SPTLC1: variants seen among roughly 807,000 people sequenced by gnomAD.
SPTLC1 encodes the protein serine palmitoyltransferase 1.
Under a neutral mutation model 68.9 loss-of-function variants are expected in SPTLC1, and 55 were observed. The observed-to-expected ratio is 0.80, with a 90% CI of 0.64 to 1.00. SPTLC1 has a LOEUF of 1.00. SPTLC1 is among the 50% of genes least tolerant of loss of function. The pLI is 0.00. For missense variants in SPTLC1, 449 were observed against 573.1 expected (o/e 0.78, Z 2.21); for synonymous variants, 197 against 201.6 (o/e 0.98, Z 0.19).
At chr9:92,037,603 A>C (rs191094720) in intron 13 of SPTLC1, among the ~76,000 whole-genome samples, 12 of 152,312 alleles carry the variant, frequency 7.9e-5, no homozygotes, top group Admixed American at 3.3e-4. Flanking sequence ...CCGCGTGCCC[A>C]GGGCAGGAAG....
At chr9:92,038,667 G>GC (rs1298950173) in intron 12 of SPTLC1, among the ~76,000 whole-genome samples, 3 of 152,192 alleles carry the variant, frequency 2.0e-5, no homozygotes, top group Non-Finnish European at 4.4e-5. Flanking sequence ...CCCCACCTTG[G>GC]CCTGTCATTC....
chr9:92,104,759 A>C (rs1381700370), intron 3 of SPTLC1: 1 of 1,533,520 alleles, frequency 6.5e-7, no homozygotes, highest in East Asian at 2.4e-5. Flanking sequence ...AGCAGCTTCC[A>C]CCTCTAGGCC....
rs183535817 is a variant in SPTLC1, at chr9:92,075,852, C to T, written c.427+4164G>A. Among the ~76,000 whole-genome samples the T allele has an allele frequency of 9.3e-4, 141 of 152,298 alleles. 1 individual carries two copies. Among genetic ancestry groups the T allele is most frequent in the African/African-American group, 3.2e-3 (132 of 41,558 alleles). On this transcript the variant is annotated intron_variant, in intron 5 of 14. Coordinates refer to ENST00000262554, the MANE Select transcript of SPTLC1 (RefSeq NM_006415.4). ...AACCCGGCCTCTCACTTACTACCCA[C>T]TACAAATCCTAATCCACACAACTGT...
chr9:92,051,292 G>A, intron 8 of SPTLC1: 5 of 983,180 alleles, frequency 5.1e-6, no homozygotes, highest in Non-Finnish European at 6.0e-6. Flanking sequence ...AAATCTCAAT[G>A]GCCGAATGCA....
chr9:92,086,602 T>G (rs987380775), intron 3 of SPTLC1, among the ~76,000 whole-genome samples: 1 of 151,336 alleles, frequency 6.6e-6, no homozygotes, highest in Non-Finnish European at 1.5e-5. Context: ...GAGTTTCTGC[T>G]GAGAGATCAG....
rs554205771 is a variant in SPTLC1 at position 92,035,790 on chromosome 9, A to C, written c.1255-907T>G. Among the ~76,000 whole-genome samples, 455 of 152,340 alleles carry C rather than the reference A, an allele frequency of 3.0e-3. 4 individuals carry two copies. The highest frequency in any genetic ancestry group is 0.011 in the African/African-American group (440 of 41,572). On this transcript the variant is annotated intron_variant, in intron 13 of 14. Coordinates refer to ENST00000262554, the MANE Select transcript of SPTLC1 (RefSeq NM_006415.4). ...GGTCACGTCGTAGGCTGCGAGGAAG[A>C]GATGGAAAAACCATACTAGGCAATG...
intron 3 of SPTLC1, chr9:92,108,052 T>C (rs2118823303): frequency 6.6e-6 from 1 of 152,386 alleles, no homozygotes; most frequent in Non-Finnish European, 1.5e-5. Context: ...TAAGATGCAT[T>C]TGTAATATTG....
chr9:92,104,091 C>T (rs977826197), intron 3 of SPTLC1, among the ~76,000 whole-genome samples: 2 of 152,228 alleles, frequency 1.3e-5, no homozygotes, highest in African/African-American at 2.4e-5. Context: ...ATAGTGATGT[C>T]ATAAACTCCC....
At chr9:92,055,322 A>G in intron 8 of SPTLC1, 83 bp downstream of exon 8, 1 of 1,598,122 alleles carries the variant, frequency 6.3e-7, no homozygotes, top group South Asian at 1.1e-5. Context: ...CGCAGACGTT[A>G]TACACTAAAA....
In SPTLC1 at chr9:92,068,072, G is replaced by A. The variant is rs780781553; in HGVS notation, c.454C>T (p.Leu152=). Residue 152 remains leucine, a synonymous_variant, in exon 6 of 15, where the codon CTG becomes TTG. Coordinates refer to ENST00000262554, the MANE Select transcript of SPTLC1 (RefSeq NM_006415.4). The part of the protein sequence containing the change: ...FDVHLDLEDR[L]AKFMKTEEAI... ...TCTTCTGTCTTCATAAATTTTGCCA[G>A]GCGGTCTTCCAAATCCAAATGAACA... 6.2e-7 allele frequency: 1 copy of A among 1,613,972 alleles called. No homozygotes were observed. The highest frequency in any genetic ancestry group is 1.1e-5 in the South Asian group (1 of 91,064).
intron 3 of SPTLC1, among the ~76,000 whole-genome samples, chr9:92,091,287 AG>A (rs1300465947): frequency 2.0e-5 from 3 of 152,374 alleles, no homozygotes; most frequent in Admixed American, 6.5e-5. Flanking sequence ...CAACCCTGTA[AG>A]GGGTCAAGTG....
At chr9:92,101,478 C>T (rs1285448373) in intron 3 of SPTLC1, among the ~76,000 whole-genome samples, 2 of 139,334 alleles carry the variant, frequency 1.4e-5, no homozygotes, top group African/African-American at 5.4e-5. Flanking sequence ...AGGAGAATGG[C>T]GTGAACCTGG....
intron 5 of SPTLC1, among the ~76,000 whole-genome samples, chr9:92,069,524 C>G (rs1834410101): frequency 6.6e-6 from 1 of 152,166 alleles, no homozygotes; most frequent in Non-Finnish European, 1.5e-5. Flanking sequence ...ACATGAAATC[C>G]AAGGCCGTGA....
At chr9:92,051,938 T>C (rs1833716633) in intron 8 of SPTLC1, among the ~76,000 whole-genome samples, 1 of 152,104 alleles carries the variant, frequency 6.6e-6, no homozygotes, top group African/African-American at 2.4e-5. Context: ...CACAAAACAT[T>C]GCTGAAGGAA....
intron 6 of SPTLC1, among the ~76,000 whole-genome samples, chr9:92,067,643 C>T (rs538141208): frequency 4.6e-4 from 70 of 152,254 alleles, no homozygotes; most frequent in African/African-American, 1.6e-3. Context: ...GAGACTTTGC[C>T]GGGCAGTCTG....
chr9:92,108,483 C>G (rs938320504), intron 3 of SPTLC1: 3 of 422,616 alleles, frequency 7.1e-6, no homozygotes, highest in African/African-American at 6.1e-5. Context: ...TTTAAGTGTT[C>G]GACCATTGGA....
In SPTLC1 at chr9:92,038,314, T is replaced by C. The variant is rs112226354; in HGVS notation, c.1188A>G (p.Leu396=). ...GAGACCCAGTGCTCTCTTCCAGTTG[T>C]AGGTGAAAGGCTGGAGAAAGGGACT... ...VGESLSPAFH[L]QLEESTGSRE... The change falls in exon 13 of 15, where the codon CTA becomes CTG. Residue 396 remains leucine, a synonymous_variant. Coordinates refer to ENST00000262554, the MANE Select transcript of SPTLC1 (RefSeq NM_006415.4). 4 of 1,614,126 alleles carry C rather than the reference T, an allele frequency of 2.5e-6. No individual in the cohort carries two copies. The highest frequency in any genetic ancestry group is 2.2e-5 in the East Asian group (1 of 44,882).
intron 6 of SPTLC1, among the ~76,000 whole-genome samples, chr9:92,066,492 G>A (rs549263822): frequency 2.0e-5 from 3 of 152,236 alleles, no homozygotes; most frequent in East Asian, 1.9e-4. Flanking sequence ...GAGCATGTGC[G>A]TGGGCCCCAA....
intron 13 of SPTLC1, 146 bp downstream of exon 13, chr9:92,038,102 G>C: frequency 1.3e-6 from 1 of 742,272 alleles, no homozygotes; most frequent in South Asian, 1.5e-5. Context: ...AGGATTCCAT[G>C]TCAAGAGCGG....
Sources: gnomAD v4.1 joint callset for allele counts (sites outside exome capture counted in the v4.1 genomes callset) on GRCh38, gnomAD v4.1.1 for gene constraint, MANE v1.5 for transcripts, NCBI Gene and HGNC (gene_info 2026-07-23, HGNC 2026-07-21) for gene names.